The following OVCH1 variants were observed in gnomAD, a reference collection of about 807,000 sequenced individuals.
OVCH1 encodes ovochymase-1.
In OVCH1, 139 loss-of-function variants were observed where a neutral mutation model predicts 138.4. The observed-to-expected ratio is 1.00, with a 90% confidence interval of 0.87 to 1.16. The LOEUF (loss-of-function observed/expected upper bound fraction) is 1.16, where lower values mean the gene tolerates loss of function less well. Ranked by LOEUF, OVCH1 falls within the 50% of genes most tolerant of loss-of-function variation. The probability of loss-of-function intolerance (pLI) is 0.00; values close to 1 mark genes in which losing one functional copy is unlikely to be tolerated. For synonymous variants in OVCH1, 453 were observed against 467.8 expected, an observed-to-expected ratio of 0.97 and a Z score of 0.41; for missense variants, 1,367 against 1,357.9, an observed-to-expected ratio of 1.01 and a Z score of -0.11.
chr12:29,415,581 TTAGGTATACAC>T (rs1424248169), intron 3 of OVCH1, among the ~76,000 whole-genome samples: 1 of 152,160 alleles, frequency 6.6e-6, no homozygotes, highest in African/African-American at 2.4e-5. Flanking sequence ...AATGCAATAC[TTAGGTATACAC>T]TTAGCAAAAC....
chr12:29,449,809 A>G (rs1941729160), intron 22 of OVCH1, among the ~76,000 whole-genome samples: 1 of 152,208 alleles, frequency 6.6e-6, no homozygotes, highest in Non-Finnish European at 1.5e-5. Context: ...CTGGTACCAA[A>G]ACAGATATAT....
chr12:29,476,650 A>G (rs376960840), intron 12 of OVCH1, among the ~76,000 whole-genome samples: 4 of 152,042 alleles, frequency 2.6e-5, no homozygotes, highest in East Asian at 3.9e-4. Flanking sequence ...ATCATACAAT[A>G]TTTTATGCAG....
At chr12:29,442,811 T>C (rs1226759318) in intron 25 of OVCH1, among the ~76,000 whole-genome samples, 1 of 151,900 alleles carries the variant, frequency 6.6e-6, no homozygotes. Flanking sequence ...AATGCAAATA[T>C]TTAGGAAATT....
chr12:29,461,854 C>T (rs1358490087), exon 19 of OVCH1: 3 of 1,613,672 alleles, frequency 1.9e-6, no homozygotes, highest in Non-Finnish European at 2.5e-6. Flanking sequence ...ATCCTCTCAC[C>T]TGGCAGAAAT....
chr12:29,446,161 G>A (rs578203813), intron 22 of OVCH1, among the ~76,000 whole-genome samples: 2 of 152,032 alleles, frequency 1.3e-5, no homozygotes, highest in African/African-American at 4.8e-5. Flanking sequence ...ATATAAGCTT[G>A]GTAAGGGCAG....
At chr12:29,474,951 T>C (rs1942650717) in intron 14 of OVCH1, 110 bp downstream of exon 14, 7 of 1,245,908 alleles carry the variant, frequency 5.6e-6, no homozygotes, top group Admixed American at 3.3e-5. Context: ...ATTTTTGTTA[T>C]GCTTACCAAG....
In OVCH1 at chr12:29,491,235, C is replaced by A. The variant is rs749382683; in HGVS notation, c.455-43G>T. On this transcript the variant is annotated intron_variant, in intron 4 of 27. Coordinates refer to ENST00000318184, the Ensembl canonical transcript of OVCH1. ...GCATGAGGTTCATGGATAAATACGC[C>A]ATGTTGAATATATTTGGAAAAGTGA... 9 of 1,450,314 alleles carry A rather than the reference C, an allele frequency of 6.2e-6. No individual in the cohort carries two copies. In the African/African-American group the frequency reaches 1.3e-4, roughly 20 times the overall value. 89.8% of individuals were successfully genotyped at this position (1,450,314 alleles called of 1,614,324 possible).
chr12:29,443,857 T>G (rs1941548182), intron 24 of OVCH1, among the ~76,000 whole-genome samples: 1 of 152,094 alleles, frequency 6.6e-6, no homozygotes, highest in South Asian at 2.1e-4. Context: ...TACCCAAATA[T>G]TTTACATACA....
chr12:29,479,832 T>TC (rs1942870155), intron 8 of OVCH1, among the ~76,000 whole-genome samples: 1 of 149,414 alleles, frequency 6.7e-6, no homozygotes, highest in Non-Finnish European at 1.5e-5. Context: ...TTCTTTTTTT[T>TC]TTTTTTTTTG....
the OVCH1 span, among the ~76,000 whole-genome samples, chr12:29,405,898 C>T: frequency 6.6e-6 from 1 of 152,198 alleles, no homozygotes; most frequent in African/African-American, 2.4e-5. Flanking sequence ...CTGATTTACT[C>T]TAGTCTATTG....
rs747044256 is a variant in OVCH1, at chr12:29,476,191, G to A, written c.1471+15C>T. 2 of 1,593,094 alleles carry A rather than the reference G, an allele frequency of 1.3e-6. No homozygotes were observed. Among genetic ancestry groups the A allele is most frequent in the South Asian group, 1.1e-5 (1 of 90,584 alleles). Reference sequence around the variant, plus strand: ...CGTCTAACACTTTCATATTTAAAGGGTGAAGTCTACCTACCTAACTTGTGC... The same window carrying A: ...CGTCTAACACTTTCATATTTAAAGGATGAAGTCTACCTACCTAACTTGTGC... On this transcript the variant is annotated intron_variant, in intron 13 of 27. Transcript: ENST00000318184.
At chr12:29,486,328 G>A (rs1178740523) in exon 8 of OVCH1, 2 of 1,613,724 alleles carry the variant, frequency 1.2e-6, no homozygotes, top group Admixed American at 3.3e-5. Context: ...ACTTTTGAGA[G>A]GGGTTGGCCC....
chr12:29,412,209 C>T (rs1013788388), downstream of OVCH1, among the ~76,000 whole-genome samples: 15 of 152,156 alleles, frequency 9.9e-5, no homozygotes, highest in African/African-American at 3.6e-4. Context: ...TGCCTTCTTT[C>T]ACCCCTTTCT....
At chr12:29,403,647 C>T in the OVCH1 span, among the ~76,000 whole-genome samples, 1 of 152,094 alleles carries the variant, frequency 6.6e-6, no homozygotes, top group Admixed American at 6.6e-5. Flanking sequence ...AATTAAATAC[C>T]TTATAAACAA....
intron 14 of OVCH1, among the ~76,000 whole-genome samples, chr12:29,473,886 C>G (rs58359809): frequency 0.16 from 24,025 of 151,924 alleles, 2,013 homozygotes; most frequent in African/African-American, 0.22. Flanking sequence ...AACATGTAAA[C>G]AGAGATGGGC....
chr12:29,437,578 A>G (rs1378583830), intron 26 of OVCH1, among the ~76,000 whole-genome samples: 1 of 152,210 alleles, frequency 6.6e-6, no homozygotes. Flanking sequence ...TGTAACACTC[A>G]TAGTTTTCAA....
At chr12:29,467,024 G>A (rs1942343319) in intron 16 of OVCH1, among the ~76,000 whole-genome samples, 1 of 152,110 alleles carries the variant, frequency 6.6e-6, no homozygotes, top group African/African-American at 2.4e-5. Context: ...TAATGGGTTT[G>A]ACTTACTCAT....
chr12:29,476,140 C>T, intron 13 of OVCH1, 66 bp downstream of exon 13: 1 of 1,309,854 alleles, frequency 7.6e-7, no homozygotes, highest in Non-Finnish European at 1.1e-6. Flanking sequence ...CCAAGGAAGC[C>T]AGCCCATGTT....
intron 8 of OVCH1, among the ~76,000 whole-genome samples, chr12:29,479,287 T>C (rs1398519777): frequency 6.6e-6 from 1 of 152,200 alleles, no homozygotes; most frequent in Non-Finnish European, 1.5e-5. Flanking sequence ...TTAAAATTCA[T>C]ACTATTCACC....
Sources: gnomAD v4.1 joint callset for allele counts (sites outside exome capture counted in the v4.1 genomes callset) on GRCh38, gnomAD v4.1.1 for gene constraint, MANE v1.5 for transcripts, NCBI Gene and HGNC (gene_info 2026-07-23, HGNC 2026-07-21) for gene names.